The following MYT1L variants were observed in gnomAD, a reference collection of about 807,000 sequenced individuals.
MYT1L encodes the protein myelin transcription factor 1 like, also known as myelin transcription factor 1-like protein.
In MYT1L, 12 loss-of-function variants were observed where a neutral mutation model predicts 126.7. That is an observed-to-expected ratio of 0.09 (90% CI 0.06 to 0.15). The LOEUF (loss-of-function observed/expected upper bound fraction) is 0.15. Ranked by LOEUF, MYT1L falls within the 10% of genes least tolerant of loss-of-function variation. The pLI is 1.00. For missense variants in MYT1L, 979 were observed against 1,585.2 expected, an observed-to-expected ratio of 0.62 and a Z score of 6.49; for synonymous variants, 541 against 604.2, an observed-to-expected ratio of 0.90 and a Z score of 1.53.
intron 2 of MYT1L, among the ~76,000 whole-genome samples, chr2:2,266,707 G>A (rs901774254): frequency 6.6e-6 from 1 of 152,132 alleles, no homozygotes; most frequent in Admixed American, 6.5e-5. Flanking sequence ...GTTGTGGGAG[G>A]GACCTGGTGA....
chr2:1,794,557 A>T (rs1354272487), intron 23 of MYT1L, among the ~76,000 whole-genome samples: 1 of 152,194 alleles, frequency 6.6e-6, no homozygotes, highest in Non-Finnish European at 1.5e-5. Flanking sequence ...GGGGTGACCA[A>T]GGCAGGGGCG....
chr2:1,876,743 C>T (rs1469860421), intron 18 of MYT1L, among the ~76,000 whole-genome samples: 1 of 152,210 alleles, frequency 6.6e-6, no homozygotes, highest in African/African-American at 2.4e-5. Flanking sequence ...TGAGAAGCAA[C>T]GTCTCACTCA....
intron 3 of MYT1L, among the ~76,000 whole-genome samples, chr2:2,123,506 C>G (rs1314471007): frequency 6.6e-6 from 1 of 152,118 alleles, no homozygotes; most frequent in Admixed American, 6.5e-5. Flanking sequence ...CCTTGCTGTT[C>G]TCACGACACT....
chr2:2,095,458 C>A (rs569325186), intron 3 of MYT1L, among the ~76,000 whole-genome samples: 19 of 152,290 alleles, frequency 1.2e-4, no homozygotes, highest in Admixed American at 2.6e-4. Context: ...AGAAATTAAG[C>A]GTATGCTATC....
intron 2 of MYT1L, among the ~76,000 whole-genome samples, chr2:2,210,902 A>T (rs544255181): frequency 3.9e-5 from 6 of 152,130 alleles, no homozygotes; most frequent in East Asian, 3.9e-4. Context: ...AATTTTTTTT[A>T]AAATCAGTGT....
chr2:2,095,652 T>C (rs560158765), intron 3 of MYT1L, among the ~76,000 whole-genome samples: 2 of 152,260 alleles, frequency 1.3e-5, no homozygotes, highest in South Asian at 4.1e-4. Flanking sequence ...TCTGTGAGTG[T>C]CTGCCTGTGG....
At chr2:2,047,425 C>T (rs1202937391) in intron 4 of MYT1L, among the ~76,000 whole-genome samples, 1 of 152,198 alleles carries the variant, frequency 6.6e-6, no homozygotes, top group Admixed American at 6.5e-5. Context: ...AATTGCTCCT[C>T]CTAACAAAGT....
intron 23 of MYT1L, among the ~76,000 whole-genome samples, chr2:1,797,933 CTCCGG>C (rs2033989977): frequency 2.3e-4 from 5 of 21,570 alleles, no homozygotes; most frequent in Non-Finnish European, 4.7e-4. Context: ...TCTCCCCCTT[CTCCGG>C]CACAGGCGCG....
intron 4 of MYT1L, among the ~76,000 whole-genome samples, chr2:2,043,685 C>T (rs545554696): frequency 3.3e-4 from 51 of 152,266 alleles, no homozygotes; most frequent in African/African-American, 1.2e-3. Context: ...TTGCCCTGAG[C>T]TCAGGGGTGG....
chr2:2,263,036 G>A (rs1317240990), intron 2 of MYT1L, among the ~76,000 whole-genome samples: 2 of 144,084 alleles, frequency 1.4e-5, no homozygotes, highest in Non-Finnish European at 3.0e-5. Flanking sequence ...TTCCCAAAAG[G>A]CAGGGCAAAA....
intron 14 of MYT1L, among the ~76,000 whole-genome samples, chr2:1,893,409 C>T (rs1333063775): frequency 6.6e-6 from 1 of 152,246 alleles, no homozygotes; most frequent in Non-Finnish European, 1.5e-5. Flanking sequence ...TTAGGAAGCA[C>T]CTTCTTCCCC....
chr2:2,016,098 AAGGATT>A (rs2064358261), intron 4 of MYT1L, among the ~76,000 whole-genome samples: 1 of 152,242 alleles, frequency 6.6e-6, no homozygotes, highest in Non-Finnish European at 1.5e-5. Context: ...AAAGCCTTGT[AAGGATT>A]CACTCATCAA....
intron 21 of MYT1L, among the ~76,000 whole-genome samples, chr2:1,832,670 G>T (rs994678432): frequency 1.3e-5 from 2 of 152,162 alleles, no homozygotes; most frequent in African/African-American, 4.8e-5. Flanking sequence ...GGCCACCAAG[G>T]TGGTGCATTC....
intron 4 of MYT1L, among the ~76,000 whole-genome samples, chr2:2,043,498 G>A (rs1405821993): frequency 3.3e-5 from 5 of 152,102 alleles, no homozygotes; most frequent in African/African-American, 1.2e-4. Context: ...GTTCATAAAC[G>A]CGGTGCTTTC....
At chr2:1,947,328 G>A (rs1304082957) in intron 8 of MYT1L, among the ~76,000 whole-genome samples, 2 of 152,194 alleles carry the variant, frequency 1.3e-5, no homozygotes, top group African/African-American at 4.8e-5. Flanking sequence ...TTAGAGGAGG[G>A]GAGTGGAGAT....
intron 2 of MYT1L, among the ~76,000 whole-genome samples, chr2:2,194,774 C>T (rs984338224): frequency 6.6e-6 from 1 of 152,182 alleles, no homozygotes; most frequent in African/African-American, 2.4e-5. Context: ...TTAAGAACAA[C>T]TCTAAAGACC....
chr2:2,073,062 T>C (rs892692253), intron 3 of MYT1L, among the ~76,000 whole-genome samples: 2 of 152,136 alleles, frequency 1.3e-5, no homozygotes, highest in Admixed American at 1.3e-4. Flanking sequence ...GCCTCTTTCA[T>C]AAGGGCACTA....
chr2:2,312,518 T>G (rs2095990061), intron 1 of MYT1L, among the ~76,000 whole-genome samples: 1 of 151,470 alleles, frequency 6.6e-6, no homozygotes, highest in Admixed American at 6.6e-5. Flanking sequence ...GAGGCTGAGG[T>G]GGGAGGATTA....
chr2:2,031,127 C>A (rs2066193291), intron 4 of MYT1L, among the ~76,000 whole-genome samples: 1 of 152,224 alleles, frequency 6.6e-6, no homozygotes, highest in African/African-American at 2.4e-5. Context: ...TATTTCTCTG[C>A]ACATTTTAGA....
Sources: allele counts gnomAD v4.1 joint callset (sites outside exome capture counted in the v4.1 genomes callset), GRCh38; gene constraint gnomAD v4.1.1; transcripts MANE v1.5; gene names NCBI Gene and HGNC (gene_info 2026-07-23, HGNC 2026-07-21).